The following FAR2 variants were observed in gnomAD, a reference collection of about 807,000 sequenced individuals.
FAR2 encodes epididymis secretory protein Li 81.
In FAR2, 19 loss-of-function variants were observed where a neutral mutation model predicts 56.0. The ratio of observed to expected loss-of-function variants is 0.34; its 90% CI spans 0.24 to 0.50. FAR2 has a LOEUF of 0.50. Among genes scored for constraint, FAR2 ranks in the 20% least tolerant of loss-of-function variants. The pLI is 0.98. For missense variants in FAR2, 508 were observed against 642.2 expected, an observed-to-expected ratio of 0.79 and a Z score of 2.26; for synonymous variants, 219 against 218.8, an observed-to-expected ratio of 1.00 and a Z score of -0.01.
chr12:29,228,021 T>C (rs1318962315), intron 1 of FAR2, among the ~76,000 whole-genome samples: 1 of 151,688 alleles, frequency 6.6e-6, no homozygotes, highest in African/African-American at 2.4e-5. Context: ...TTAGGAGATA[T>C]ACCTAATGTA....
intron 1 of FAR2, among the ~76,000 whole-genome samples, chr12:29,229,388 C>A (rs1197893117): frequency 6.6e-6 from 1 of 151,976 alleles, no homozygotes; most frequent in Non-Finnish European, 1.5e-5. Context: ...AACTTCATCT[C>A]TCAATTTAAA....
chr12:29,157,222 C>T (rs1351301614), intron 1 of FAR2, among the ~76,000 whole-genome samples: 2 of 145,088 alleles, frequency 1.4e-5, no homozygotes, highest in East Asian at 2.0e-4. Context: ...AAAAAAAAGC[C>T]TTACTGTAAT....
chr12:29,209,551 A>C (rs1386939106), intron 1 of FAR2, among the ~76,000 whole-genome samples: 2 of 152,144 alleles, frequency 1.3e-5, no homozygotes, highest in Non-Finnish European at 2.9e-5. Context: ...TGGCCCTTGA[A>C]ATTCCAGTTC....
chr12:29,203,869 G>T (rs960557092), intron 1 of FAR2, among the ~76,000 whole-genome samples: 1 of 151,546 alleles, frequency 6.6e-6, no homozygotes, highest in Non-Finnish European at 1.5e-5. Flanking sequence ...GCGTGGTGGC[G>T]GGCGCCTGTA....
At chr12:29,163,616 T>A (rs1949800547) in intron 1 of FAR2, among the ~76,000 whole-genome samples, 1 of 152,238 alleles carries the variant, frequency 6.6e-6, no homozygotes, top group African/African-American at 2.4e-5. Context: ...AAATATGATT[T>A]GAATTCTGGT....
intron 1 of FAR2, among the ~76,000 whole-genome samples, chr12:29,261,086 A>C (rs1300874776): frequency 6.6e-6 from 1 of 152,234 alleles, no homozygotes; most frequent in Non-Finnish European, 1.5e-5. Flanking sequence ...ATGCTTAAAC[A>C]TCCAGATACC....
chr12:29,278,843 A>G lies in FAR2; in HGVS notation c.189+8205A>G, dbSNP rs115015565. Reference sequence around the variant, plus strand: ...AAATTGCAACTGGAAGACATTTGCTAGACTAGAAATGGAGACTCCTAAGCA... The same window carrying G: ...AAATTGCAACTGGAAGACATTTGCTGGACTAGAAATGGAGACTCCTAAGCA... On this transcript the variant is annotated intron_variant, in intron 2 of 11. Coordinates refer to ENST00000536681, the MANE Select transcript of FAR2 (RefSeq NM_001271783.2). Among the ~76,000 whole-genome samples, 507 of 152,328 alleles carry G rather than the reference A, an allele frequency of 3.3e-3. 4 individuals carry two copies. Among genetic ancestry groups the G allele is most frequent in the African/African-American group, 0.012 (486 of 41,574 alleles).
chr12:29,314,239 T>C (rs755692946), intron 8 of FAR2, among the ~76,000 whole-genome samples: 7 of 152,150 alleles, frequency 4.6e-5, no homozygotes, highest in Non-Finnish European at 1.0e-4. Context: ...TAGACTTGGA[T>C]TCAAATCTTA....
chr12:29,171,369 T>C (rs1474673632), intron 1 of FAR2: 1 of 152,432 alleles, frequency 6.6e-6, no homozygotes, highest in Non-Finnish European at 1.5e-5. Flanking sequence ...AGGACAATCT[T>C]TTTTAAAGTG....
chr12:29,273,824 T>C (rs1431076100), intron 2 of FAR2, among the ~76,000 whole-genome samples: 1 of 152,154 alleles, frequency 6.6e-6, no homozygotes, highest in African/African-American at 2.4e-5. Context: ...CACTGTTCCA[T>C]GGAAAAAGCA....
At chr12:29,261,988 C>T (rs1470407611) in intron 1 of FAR2, among the ~76,000 whole-genome samples, 4 of 152,186 alleles carry the variant, frequency 2.6e-5, no homozygotes. Context: ...GTACTGAAAG[C>T]TCACTGGTAA....
chr12:29,190,600 G>C (rs970187758), intron 1 of FAR2, among the ~76,000 whole-genome samples: 1 of 152,208 alleles, frequency 6.6e-6, no homozygotes, highest in Admixed American at 6.5e-5. Flanking sequence ...GAGTAGCTGG[G>C]AGTATAGGCG....
At chr12:29,153,459 A>G (rs1949697509) in intron 1 of FAR2, among the ~76,000 whole-genome samples, 1 of 152,238 alleles carries the variant, frequency 6.6e-6, no homozygotes, top group African/African-American at 2.4e-5. Flanking sequence ...TTGTGACTGC[A>G]CTTAGGTGAG....
At chr12:29,166,881 C>T (rs1040369244) in intron 1 of FAR2, among the ~76,000 whole-genome samples, 26 of 152,146 alleles carry the variant, frequency 1.7e-4, no homozygotes, top group African/African-American at 5.8e-4. Flanking sequence ...TTTAAACTCC[C>T]CACGATCCCT....
At chr12:29,323,690 A>T (rs1277352734) in intron 10 of FAR2, among the ~76,000 whole-genome samples, 3 of 152,212 alleles carry the variant, frequency 2.0e-5, no homozygotes, top group Admixed American at 6.5e-5. Context: ...GAGGGTCCTG[A>T]CTGTTAGAAG....
intron 1 of FAR2, among the ~76,000 whole-genome samples, chr12:29,207,827 A>G (rs143632672): frequency 1.3e-5 from 2 of 152,190 alleles, no homozygotes; most frequent in Non-Finnish European, 2.9e-5. Context: ...ACCTTTAAAG[A>G]AAATAAATTT....
intron 1 of FAR2, among the ~76,000 whole-genome samples, chr12:29,250,482 TG>T (rs1227269543): frequency 6.6e-6 from 1 of 152,212 alleles, no homozygotes; most frequent in African/African-American, 2.4e-5. Context: ...CCAAGTTTTC[TG>T]GTTTCTAGCA....
chr12:29,259,875 G>T (rs567287796), intron 1 of FAR2, among the ~76,000 whole-genome samples: 1 of 152,152 alleles, frequency 6.6e-6, no homozygotes, highest in South Asian at 2.1e-4. Flanking sequence ...GTATTCTGGA[G>T]ATTGTCAAAG....
At chr12:29,237,114 T>A (rs1235593060) in intron 1 of FAR2, among the ~76,000 whole-genome samples, 3 of 152,152 alleles carry the variant, frequency 2.0e-5, no homozygotes, top group African/African-American at 7.2e-5. Flanking sequence ...TAATGAGTTC[T>A]ACACCCAAAC....
Sources: allele counts gnomAD v4.1 joint callset (sites outside exome capture counted in the v4.1 genomes callset), GRCh38; gene constraint gnomAD v4.1.1; transcripts MANE v1.5; gene names NCBI Gene and HGNC (gene_info 2026-07-23, HGNC 2026-07-21).